Variants in LARGE1 observed in about 807,000 individuals in gnomAD.
The protein encoded by LARGE1 is xylosyl- and glucuronyltransferase LARGE1.
A neutral mutation model predicts 87.6 loss-of-function variants in LARGE1; 43 were observed. The ratio of observed to expected loss-of-function variants is 0.49; its 90% CI spans 0.38 to 0.63. The LOEUF is 0.63. Ranked by LOEUF, LARGE1 falls within the 30% of genes least tolerant of loss-of-function variation. The pLI, the probability that LARGE1 is intolerant of heterozygous loss-of-function variation, is 0.00. For missense variants in LARGE1, 802 were observed against 1,000.2 expected, an observed-to-expected ratio of 0.80 and a Z score of 2.67; for synonymous variants, 434 against 394.6, an observed-to-expected ratio of 1.10 and a Z score of -1.18.
At chr22:33,448,789 G>T (rs1323933633) in intron 6 of LARGE1, among the ~76,000 whole-genome samples, 2 of 151,162 alleles carry the variant, frequency 1.3e-5, no homozygotes. Context: ...CATTTTAAGT[G>T]CAGTTCAGCA....
chr22:33,470,326 A>T (rs2068777853), intron 6 of LARGE1, among the ~76,000 whole-genome samples: 1 of 152,162 alleles, frequency 6.6e-6, no homozygotes, highest in Non-Finnish European at 1.5e-5. Flanking sequence ...ATTATTATTG[A>T]ACTCTAAAAA....
chr22:33,330,358 C>T (rs1323540418), intron 10 of LARGE1, among the ~76,000 whole-genome samples: 2 of 151,986 alleles, frequency 1.3e-5, no homozygotes, highest in Non-Finnish European at 2.9e-5. Context: ...GGTTTTACTC[C>T]ATCACACAGG....
chr22:33,561,602 C>T (rs2077864367), intron 6 of LARGE1, among the ~76,000 whole-genome samples: 1 of 152,154 alleles, frequency 6.6e-6, no homozygotes, highest in Admixed American at 6.5e-5. Context: ...GCAACAGTCC[C>T]AACAGTAAGC....
intron 1 of LARGE1, among the ~76,000 whole-genome samples, chr22:33,791,946 G>A (rs561794843): frequency 3.9e-5 from 6 of 152,274 alleles, no homozygotes; most frequent in African/African-American, 1.2e-4. Context: ...ACATTACCTC[G>A]TTTACTACTC....
At chr22:33,793,279 A>G (rs1378421746) in intron 1 of LARGE1, among the ~76,000 whole-genome samples, 1 of 152,166 alleles carries the variant, frequency 6.6e-6, no homozygotes, top group East Asian at 1.9e-4. Flanking sequence ...CTGGAGGAGA[A>G]AAGGAAACAG....
Position 33,688,421 on chromosome 22 carries a change from G to A in LARGE1, c.107-37753C>T, listed in dbSNP as rs146555420. 7.8e-3 allele frequency among the ~76,000 whole-genome samples: 1,183 copies of A among 152,156 alleles called. 14 individuals are homozygous for A. The highest frequency in any genetic ancestry group is 0.026 in the African/African-American group (1,085 of 41,498). On this transcript the variant is annotated intron_variant, in intron 2 of 14. Coordinates refer to ENST00000397394, the MANE Select transcript of LARGE1 (RefSeq NM_133642.5). ...GGCTGGAATGCAATGGTGCGATCTC[G>A]GCTCACTGCAACCTCTGCCTCCTGG...
At chr22:33,193,143 A>G (rs1232888258) in intron 11 of LARGE1, among the ~76,000 whole-genome samples, 1 of 152,100 alleles carries the variant, frequency 6.6e-6, no homozygotes, top group African/African-American at 2.4e-5. Context: ...AAAAAAGAAT[A>G]AAGAGGGAGA....
chr22:33,728,188 A>G (rs2083329433), intron 2 of LARGE1, among the ~76,000 whole-genome samples: 1 of 152,068 alleles, frequency 6.6e-6, no homozygotes, highest in South Asian at 2.1e-4. Context: ...ATCTACACCT[A>G]TACACATATG....
downstream of LARGE1, among the ~76,000 whole-genome samples, chr22:33,160,660 G>A (rs558682360): frequency 6.6e-6 from 1 of 152,328 alleles, no homozygotes; most frequent in East Asian, 1.9e-4. Flanking sequence ...CTCCTGTTCA[G>A]AAATCAGCAC....
intron 13 of LARGE1, among the ~76,000 whole-genome samples, chr22:33,281,869 A>T (rs934362422): frequency 3.3e-5 from 5 of 152,246 alleles, no homozygotes; most frequent in African/African-American, 4.8e-5. Context: ...TATTTTCACA[A>T]GATAAAGTTT....
intron 5 of LARGE1, among the ~76,000 whole-genome samples, chr22:33,600,763 T>C (rs1260358304): frequency 6.6e-6 from 1 of 152,180 alleles, no homozygotes; most frequent in Non-Finnish European, 1.5e-5. Flanking sequence ...AACTGTGGCC[T>C]CAGCCGGGGG....
chr22:33,149,285 G>A, the LARGE1 span, among the ~76,000 whole-genome samples: 5 of 151,946 alleles, frequency 3.3e-5, no homozygotes, highest in East Asian at 3.9e-4. Context: ...CTCGTGATCC[G>A]CCCGCCTTGG....
At chr22:33,776,015 A>G (rs75229180) in intron 1 of LARGE1, among the ~76,000 whole-genome samples, 4,912 of 152,276 alleles carry the variant, frequency 0.032, 246 homozygotes, top group African/African-American at 0.11. Context: ...AACCTGGTTT[A>G]AGGCAAGCAC....
the LARGE1 span, among the ~76,000 whole-genome samples, chr22:33,070,292 A>G: frequency 7.2e-5 from 11 of 152,160 alleles, no homozygotes; most frequent in Non-Finnish European, 1.3e-4. Flanking sequence ...TTTAATATAC[A>G]TATATATTTG....
chr22:33,147,733 G>T, the LARGE1 span, among the ~76,000 whole-genome samples: 4 of 152,118 alleles, frequency 2.6e-5, no homozygotes, highest in Admixed American at 2.6e-4. Flanking sequence ...TTTTGCATAC[G>T]CTTTTTTTGG....
chr22:33,637,225 G>T (rs554473726), intron 3 of LARGE1, among the ~76,000 whole-genome samples: 1 of 152,248 alleles, frequency 6.6e-6, no homozygotes, highest in African/African-American at 2.4e-5. Context: ...TCTGGGCTGT[G>T]GCTGCAACTT....
chr22:33,490,836 G>C (rs961296564), intron 6 of LARGE1, among the ~76,000 whole-genome samples: 4 of 152,194 alleles, frequency 2.6e-5, no homozygotes, highest in African/African-American at 7.2e-5. Context: ...GTGACCATGA[G>C]CTGCAGAGCT....
chr22:33,079,221 C>CTTTTTTTTTTTTT, the LARGE1 span, among the ~76,000 whole-genome samples: 1 of 85,774 alleles, frequency 1.2e-5, no homozygotes, highest in Non-Finnish European at 2.2e-5. Flanking sequence ...AGTTATCATT[C>CTTTTTTTTTTTTT]TTTTTTTTTT....
At chr22:33,296,360 A>G (rs1933253649) in intron 12 of LARGE1, among the ~76,000 whole-genome samples, 3 of 152,184 alleles carry the variant, frequency 2.0e-5, no homozygotes, top group Admixed American at 1.3e-4. Context: ...TGACTTTGTA[A>G]GAACTACATG....
Sources: gnomAD v4.1 joint callset for allele counts (sites outside exome capture counted in the v4.1 genomes callset) on GRCh38, gnomAD v4.1.1 for gene constraint, MANE v1.5 for transcripts, NCBI Gene and HGNC (gene_info 2026-07-23, HGNC 2026-07-21) for gene names.